Variants in HEG1 observed in about 807,000 individuals in gnomAD.
The protein encoded by HEG1 is protein HEG homolog 1.
Under a neutral mutation model 125.6 loss-of-function variants are expected in HEG1, and 56 were observed. The ratio of observed to expected loss-of-function variants is 0.45; its 90% CI spans 0.36 to 0.56. HEG1 has a LOEUF of 0.56. Ranked by LOEUF, HEG1 falls within the 20% of genes least tolerant of loss-of-function variation. The pLI is 0.00. For synonymous variants in HEG1, 644 were observed against 668.5 expected (o/e 0.96, Z 0.57); for missense variants, 1,523 against 1,670.0 (o/e 0.91, Z 1.53).
intron 1 of HEG1, among the ~76,000 whole-genome samples, chr3:125,037,737 C>T (rs1937560622): frequency 6.6e-6 from 1 of 152,250 alleles, no homozygotes; most frequent in Non-Finnish European, 1.5e-5. Context: ...TGAGAAACTA[C>T]TGCTTTCCGT....
intron 14 of HEG1, among the ~76,000 whole-genome samples, chr3:124,980,720 T>C (rs1385263589): frequency 6.6e-6 from 1 of 152,164 alleles, no homozygotes; most frequent in Admixed American, 6.6e-5. Flanking sequence ...GGTTTCGCTA[T>C]GTTGGCCAGG....
chr3:125,002,852 C>T (rs957487587), intron 9 of HEG1, among the ~76,000 whole-genome samples: 7 of 152,216 alleles, frequency 4.6e-5, no homozygotes, highest in Non-Finnish European at 8.8e-5. Flanking sequence ...AAGAGCTACT[C>T]TCCCTATGTT....
At chr3:124,993,250 G>C (rs1320702910) in intron 12 of HEG1, among the ~76,000 whole-genome samples, 1 of 152,140 alleles carries the variant, frequency 6.6e-6, no homozygotes, top group Admixed American at 6.5e-5. Context: ...CAACAAAACA[G>C]TCCGTTAATT....
At chr3:124,981,467 C>G (rs1315417406) in intron 14 of HEG1, among the ~76,000 whole-genome samples, 1 of 152,134 alleles carries the variant, frequency 6.6e-6, no homozygotes, top group African/African-American at 2.4e-5. Flanking sequence ...CTGGCATAGA[C>G]GAGGGCTTCT....
At chr3:125,011,760 T>C (rs907504957) in intron 6 of HEG1, among the ~76,000 whole-genome samples, 1 of 152,222 alleles carries the variant, frequency 6.6e-6, no homozygotes, top group Non-Finnish European at 1.5e-5. Context: ...TCTTTCCTTC[T>C]TCCCTAAGAC....
intron 1 of HEG1, among the ~76,000 whole-genome samples, chr3:125,046,560 T>G (rs1225293620): frequency 6.6e-6 from 1 of 152,140 alleles, no homozygotes; most frequent in Non-Finnish European, 1.5e-5. Flanking sequence ...TGTGAGCCAC[T>G]GTGCCCGACC....
chr3:125,002,531 G>A (rs767406568), intron 9 of HEG1, among the ~76,000 whole-genome samples: 13 of 152,212 alleles, frequency 8.5e-5, no homozygotes, highest in African/African-American at 4.8e-5. Context: ...GAGTAAATCA[G>A]TGGGGAAAAT....
chr3:124,978,535 C>A (rs567896633), intron 14 of HEG1, among the ~76,000 whole-genome samples: 1 of 152,044 alleles, frequency 6.6e-6, no homozygotes, highest in East Asian at 1.9e-4. Context: ...CACCAACCCA[C>A]GGTAGAAAGA....
intron 3 of HEG1, among the ~76,000 whole-genome samples, chr3:125,023,936 G>A (rs1937376019): frequency 6.6e-6 from 1 of 151,434 alleles, no homozygotes; most frequent in Admixed American, 6.6e-5. Flanking sequence ...TGACCTGACT[G>A]CTATCCAGAA....
chr3:124,987,952 C>CACACACACACATATATAT, intron 14 of HEG1, among the ~76,000 whole-genome samples: 1 of 54,660 alleles, frequency 1.8e-5, no homozygotes, highest in Non-Finnish European at 4.6e-5. Flanking sequence ...CACACACACA[C>CACACACACACATATATAT]ATATATATAT....
chr3:125,013,338 C>A lies in HEG1; in HGVS notation c.2241G>T (p.Leu747=). 12 of 1,613,834 alleles carry A rather than the reference C, an allele frequency of 7.4e-6. No homozygotes were observed. Among genetic ancestry groups the A allele is most frequent in the South Asian group, 1.1e-5 (1 of 91,068 alleles). Residue 747 remains leucine (L), a synonymous_variant, in exon 6 of 17, where the codon CTG becomes CTT. Transcript: ENST00000311127. ...TCACAGGAGTCTCCCTTGCCCTGGG[C>A]AGGACAGGGGTAGAAGATGACTGTG... ...TLPQSSSTPV[L]PRARETPVTS...
intron 1 of HEG1, among the ~76,000 whole-genome samples, chr3:125,043,824 C>T (rs1293031173): frequency 2.0e-5 from 3 of 151,232 alleles, no homozygotes; most frequent in African/African-American, 4.9e-5. Context: ...GCCAGGTTAG[C>T]GAAACAATAA....
At chr3:124,982,495 G>A (rs1193876874) in intron 14 of HEG1, among the ~76,000 whole-genome samples, 1 of 152,174 alleles carries the variant, frequency 6.6e-6, no homozygotes, top group East Asian at 1.9e-4. Context: ...GAAGAGCTTG[G>A]AATTCTTAGT....
intron 3 of HEG1, among the ~76,000 whole-genome samples, chr3:125,021,859 A>T (rs1050843901): frequency 2.6e-5 from 4 of 152,250 alleles, no homozygotes; most frequent in Non-Finnish European, 5.9e-5. Flanking sequence ...TCATTATCAT[A>T]CTTTGCCCCA....
intron 1 of HEG1, among the ~76,000 whole-genome samples, chr3:125,049,177 T>C (rs1937748331): frequency 6.6e-6 from 1 of 152,126 alleles, no homozygotes; most frequent in Non-Finnish European, 1.5e-5. Context: ...GACCTCATTC[T>C]CCCCAGTCTC....
intron 14 of HEG1, among the ~76,000 whole-genome samples, chr3:124,987,610 C>A (rs1349685837): frequency 7.3e-6 from 1 of 137,654 alleles, no homozygotes; most frequent in Admixed American, 7.4e-5. Flanking sequence ...GCAAGCTCCG[C>A]CCCCCCAGGT....
intron 14 of HEG1, among the ~76,000 whole-genome samples, chr3:124,986,837 C>T (rs1167170677): frequency 6.6e-6 from 1 of 152,180 alleles, no homozygotes; most frequent in Non-Finnish European, 1.5e-5. Flanking sequence ...TTTTTCCTAA[C>T]ATAAGAACTT....
rs546814677 is a variant in HEG1 at position 125,051,287 on chromosome 3, A to G, written c.316+4288T>C. 1.1e-4 allele frequency among the ~76,000 whole-genome samples: 17 copies of G among 152,322 alleles called. No homozygotes were observed. In the South Asian group the frequency reaches 2.9e-3, roughly 26 times the overall value. On this transcript the variant is annotated intron_variant, in intron 1 of 16. Transcript: ENST00000311127. The stretch of plus-strand genomic sequence containing the variant: ...ATCTCCTCATATTTTCCCCACGCCA[A>G]TGCTGGCCCCTAATCTCTACAAAAA...
chr3:124,995,906 G>A (rs760846328), intron 12 of HEG1, among the ~76,000 whole-genome samples: 7 of 152,156 alleles, frequency 4.6e-5, no homozygotes, highest in Non-Finnish European at 1.0e-4. Context: ...AGGAAGTGGC[G>A]CAGGCCAGCC....
Sources: gnomAD v4.1 joint callset for allele counts (sites outside exome capture counted in the v4.1 genomes callset) on GRCh38, gnomAD v4.1.1 for gene constraint, MANE v1.5 for transcripts, NCBI Gene and HGNC (gene_info 2026-07-23, HGNC 2026-07-21) for gene names.